Variants in FMN2 observed in about 807,000 individuals in gnomAD.
FMN2 encodes formin-2.
In FMN2, 51 loss-of-function variants were observed where a neutral mutation model predicts 142.3. That is an observed-to-expected ratio of 0.36 (90% CI 0.29 to 0.45). The LOEUF (loss-of-function observed/expected upper bound fraction) is 0.45, where lower values mean the gene tolerates loss of function less well. Among genes scored for constraint, FMN2 ranks in the 20% least tolerant of loss-of-function variants. FMN2 has a pLI of 1.00. For missense variants in FMN2, 1,936 were observed against 2,122.8 expected, an observed-to-expected ratio of 0.91 and a Z score of 1.73; for synonymous variants, 882 against 869.8, an observed-to-expected ratio of 1.01 and a Z score of -0.25.
At chr1:240,448,643 C>G (rs537540451) in intron 16 of FMN2, among the ~76,000 whole-genome samples, 1 of 152,118 alleles carries the variant, frequency 6.6e-6, no homozygotes, top group East Asian at 1.9e-4. Context: ...TAGGGAGACC[C>G]TGTCTCTACA....
At chr1:240,185,514 AG>A (rs1456237002) in intron 3 of FMN2, among the ~76,000 whole-genome samples, 1 of 152,212 alleles carries the variant, frequency 6.6e-6, no homozygotes, top group African/African-American at 2.4e-5. Context: ...TTAGACAGAG[AG>A]GAGCTGAAAG....
intron 7 of FMN2, among the ~76,000 whole-genome samples, chr1:240,278,956 T>C (rs1251452127): frequency 6.6e-6 from 1 of 152,162 alleles, no homozygotes; most frequent in Non-Finnish European, 1.5e-5. Context: ...TAAATTTTAG[T>C]CCAGTTATTT....
At chr1:240,399,558 C>T (rs537016698) in intron 15 of FMN2, among the ~76,000 whole-genome samples, 215 of 152,298 alleles carry the variant, frequency 1.4e-3, no homozygotes, top group Non-Finnish European at 2.5e-3. Context: ...GGAGCTTCCA[C>T]TCTCCCAAGC....
chr1:240,205,839 C>T (rs914920263), intron 4 of FMN2, among the ~76,000 whole-genome samples: 1 of 150,720 alleles, frequency 6.6e-6, no homozygotes, highest in African/African-American at 2.4e-5. Flanking sequence ...GAAAGGAAGA[C>T]ACCACTTATA....
chr1:240,144,402 G>C, intron 2 of FMN2: 1 of 1,605,650 alleles, frequency 6.2e-7, no homozygotes, highest in South Asian at 1.1e-5. Flanking sequence ...TTGCTGTTGA[G>C]CTGTACATTG....
chr1:240,188,819 A>G (rs1042748721), intron 4 of FMN2, among the ~76,000 whole-genome samples: 9 of 152,334 alleles, frequency 5.9e-5, no homozygotes, highest in Non-Finnish European at 1.0e-4. Flanking sequence ...TTACACTTCC[A>G]CATGGCTGGG....
intron 13 of FMN2, among the ~76,000 whole-genome samples, chr1:240,344,350 G>A (rs1022543544): frequency 6.6e-6 from 1 of 152,166 alleles, no homozygotes; most frequent in African/African-American, 2.4e-5. Context: ...CAAGTCAATA[G>A]TATGTAGGTT....
intron 15 of FMN2, among the ~76,000 whole-genome samples, chr1:240,437,042 C>T (rs771106187): frequency 6.6e-6 from 1 of 152,152 alleles, no homozygotes; most frequent in Non-Finnish European, 1.5e-5. Context: ...CTTCTCAGGG[C>T]ATCACTCATG....
intron 6 of FMN2, among the ~76,000 whole-genome samples, chr1:240,233,502 A>G (rs1178556223): frequency 6.6e-6 from 1 of 152,212 alleles, no homozygotes; most frequent in African/African-American, 2.4e-5. Flanking sequence ...TTTAAATTTA[A>G]TTCCACAGAA....
At chr1:240,305,744 C>G (rs1346751415) in intron 8 of FMN2, among the ~76,000 whole-genome samples, 2 of 152,138 alleles carry the variant, frequency 1.3e-5, no homozygotes, top group African/African-American at 4.8e-5. Context: ...AACATAGTTA[C>G]TATTTTACTT....
At chr1:240,335,024 C>T (rs1042323155) in intron 13 of FMN2, among the ~76,000 whole-genome samples, 11 of 152,078 alleles carry the variant, frequency 7.2e-5, no homozygotes, top group African/African-American at 2.7e-4. Context: ...TAAGAGACTC[C>T]CAATTTTGAG....
At chr1:240,422,321 A>G (rs1257777791) in intron 15 of FMN2, among the ~76,000 whole-genome samples, 1 of 152,228 alleles carries the variant, frequency 6.6e-6, no homozygotes, top group Non-Finnish European at 1.5e-5. Context: ...AAATGAGTCA[A>G]TAAATCAAGT....
At chr1:240,236,400 G>T (rs1558385370) in intron 6 of FMN2, among the ~76,000 whole-genome samples, 1 of 152,202 alleles carries the variant, frequency 6.6e-6, no homozygotes, top group Non-Finnish European at 1.5e-5. Context: ...CAGCATTAAA[G>T]ATTATGTGTT....
At chr1:240,183,452 T>C (rs924250016) in intron 3 of FMN2, among the ~76,000 whole-genome samples, 5 of 148,044 alleles carry the variant, frequency 3.4e-5, no homozygotes, top group Admixed American at 1.4e-4. Context: ...GATTATATAA[T>C]ATAATATATA....
chr1:240,398,381 A>T (rs994925258), intron 15 of FMN2, among the ~76,000 whole-genome samples: 14 of 152,222 alleles, frequency 9.2e-5, no homozygotes, highest in Admixed American at 7.2e-4. Context: ...TTGTCTTAGC[A>T]AACTAGTAAA....
At chr1:240,130,460 G>T (rs1298099222) in intron 2 of FMN2, among the ~76,000 whole-genome samples, 1 of 152,020 alleles carries the variant, frequency 6.6e-6, no homozygotes, top group African/African-American at 2.4e-5. Flanking sequence ...ATGCTACCAC[G>T]CCCGGCTAAT....
intron 15 of FMN2, among the ~76,000 whole-genome samples, chr1:240,407,761 C>G (rs1160484178): frequency 6.6e-6 from 1 of 152,186 alleles, no homozygotes; most frequent in Admixed American, 6.5e-5. Flanking sequence ...CTGCCTGCTC[C>G]TCCTCCAAAT....
chr1:240,388,560 G>T (rs1040867269), intron 14 of FMN2, among the ~76,000 whole-genome samples: 5 of 152,086 alleles, frequency 3.3e-5, no homozygotes, highest in African/African-American at 4.8e-5. Flanking sequence ...GATCTGGGAT[G>T]CCCTTGGCCA....
chr1:240,408,429 A>T (rs1187297220), intron 15 of FMN2, among the ~76,000 whole-genome samples: 1 of 152,206 alleles, frequency 6.6e-6, no homozygotes, highest in African/African-American at 2.4e-5. Context: ...GGAAAAAAAG[A>T]GGAAATTAGA....
Sources: allele counts gnomAD v4.1 joint callset (sites outside exome capture counted in the v4.1 genomes callset), GRCh38; gene constraint gnomAD v4.1.1; transcripts MANE v1.5; gene names NCBI Gene and HGNC (gene_info 2026-07-23, HGNC 2026-07-21).